TCF12: variants seen among roughly 807,000 people sequenced by gnomAD.
TCF12 encodes the protein transcription factor 12.
In TCF12, 45 loss-of-function variants were observed where a neutral mutation model predicts 86.0. The observed-to-expected ratio is 0.52, with a 90% confidence interval of 0.41 to 0.67. TCF12 has a LOEUF of 0.67. TCF12 is among the 30% of genes least tolerant of loss of function. The probability of loss-of-function intolerance (pLI) is 0.00; values close to 1 mark genes in which losing one functional copy is unlikely to be tolerated. For synonymous variants in TCF12, 330 were observed against 299.6 expected, an observed-to-expected ratio of 1.10 and a Z score of -1.05; for missense variants, 881 against 859.9, an observed-to-expected ratio of 1.02 and a Z score of -0.31.
intron 3 of TCF12, among the ~76,000 whole-genome samples, chr15:56,997,923 ACAAAGCAAACTT>A (rs2063799021): frequency 6.6e-6 from 1 of 152,232 alleles, no homozygotes; most frequent in African/African-American, 2.4e-5. Flanking sequence ...TATATTAATA[ACAAAGCAAACTT>A]CAGAGCTAAG....
chr15:57,223,543 T>G (rs1053084044), intron 8 of TCF12, among the ~76,000 whole-genome samples: 97 of 151,758 alleles, frequency 6.4e-4, no homozygotes, highest in African/African-American at 2.3e-3. Context: ...AATTTAAAAT[T>G]AAAACTTTCA....
chr15:57,238,166 T>C (rs527491659), intron 12 of TCF12, among the ~76,000 whole-genome samples: 5 of 152,198 alleles, frequency 3.3e-5, no homozygotes, highest in African/African-American at 1.2e-4. Context: ...ATTTTTATAC[T>C]TGATATGTTT....
intron 5 of TCF12, among the ~76,000 whole-genome samples, chr15:57,104,375 A>G (rs148519431): frequency 0.022 from 3,334 of 151,952 alleles, 56 homozygotes; most frequent in Non-Finnish European, 0.032. Flanking sequence ...CAATATACTA[A>G]GCACGTTGAT....
At chr15:57,237,148 A>AGAGTGTGTGTGT in intron 12 of TCF12, among the ~76,000 whole-genome samples, 1 of 146,132 alleles carries the variant, frequency 6.8e-6, no homozygotes, top group South Asian at 2.2e-4. Flanking sequence ...AGAGAGAGAG[A>AGAGTGTGTGTGT]GTGTGTGTGT....
At chr15:57,130,699 G>C (rs556142288) in intron 5 of TCF12, among the ~76,000 whole-genome samples, 2 of 152,042 alleles carry the variant, frequency 1.3e-5, no homozygotes, top group Admixed American at 6.6e-5. Context: ...TTCTGGTTTT[G>C]GTGTTTTCAA....
chr15:57,231,161 C>A lies in TCF12; in HGVS notation c.589C>A (p.Pro197Thr). ...GCTGTTTAATTTTAAGGTATATGCA[C>A]CATCCCCAAATTCAGATGATTTCAA... ...PPGLPSSVYA[P>T]SPNSDDFNRE... The change falls in exon 9 of 21, where the codon CCA (proline) becomes ACA (threonine). Residue 197 changes from proline to threonine, a missense_variant. By Grantham distance (38) the Pro-to-Thr change is conservative. Transcript: ENST00000333725. 6.2e-7 allele frequency: 1 copy of A among 1,611,614 alleles called. No individual in the cohort carries two copies. Among genetic ancestry groups the A allele is most frequent in the Non-Finnish European group, 8.5e-7 (1 of 1,178,118 alleles).
In TCF12 at chr15:57,140,564, C is replaced by T. The variant is rs141677635; in HGVS notation, c.326-25838C>T. Among the ~76,000 whole-genome samples, 586 of 152,224 alleles carry T rather than the reference C, an allele frequency of 3.8e-3. 4 individuals carry two copies. The highest frequency in any genetic ancestry group is 0.014 in the African/African-American group (569 of 41,528). ...GTTCCTGCATTCATAGATCTAAGGC[C>T]TAATAGTAAAGCCTTCCATCACTTA... On this transcript the variant is annotated intron_variant, in intron 5 of 20. Coordinates refer to ENST00000333725, the MANE Select transcript of TCF12 (RefSeq NM_207037.2).
At chr15:57,044,526 A>G (rs1447521797) in intron 3 of TCF12, among the ~76,000 whole-genome samples, 1 of 151,790 alleles carries the variant, frequency 6.6e-6, no homozygotes. Flanking sequence ...TGTTGAATGA[A>G]TCATCATGCT....
chr15:56,922,198 A>T (rs1343874848), intron 3 of TCF12, among the ~76,000 whole-genome samples: 1 of 151,932 alleles, frequency 6.6e-6, no homozygotes, highest in Non-Finnish European at 1.5e-5. Flanking sequence ...ACTGGTGTTG[A>T]TACATCTCAT....
intron 3 of TCF12, among the ~76,000 whole-genome samples, chr15:57,034,175 G>T (rs527717352): frequency 2.3e-4 from 35 of 152,106 alleles, no homozygotes; most frequent in Non-Finnish European, 5.0e-4. Flanking sequence ...GATGTATATA[G>T]GACTGATCAC....
chr15:57,060,213 A>G (rs1406669076), intron 3 of TCF12, among the ~76,000 whole-genome samples: 1 of 151,042 alleles, frequency 6.6e-6, no homozygotes, highest in African/African-American at 2.5e-5. Flanking sequence ...AAATGTTTTC[A>G]CAAAAGAAAG....
At chr15:57,010,492 A>G (rs778619228) in intron 3 of TCF12, among the ~76,000 whole-genome samples, 1 of 152,228 alleles carries the variant, frequency 6.6e-6, no homozygotes, top group African/African-American at 2.4e-5. Flanking sequence ...AAGAGTAGAA[A>G]AAAGGGAAAA....
chr15:57,091,835 G>T lies in TCF12; in HGVS notation c.269G>T (p.Arg90Leu), dbSNP rs905170132. The T allele has an allele frequency of 1.2e-6, 2 of 1,613,836 alleles. No homozygotes were observed. Among genetic ancestry groups the T allele is most frequent in the East Asian group, 2.2e-5 (1 of 44,860 alleles). Residue 90 changes from arginine to leucine, a missense_variant, in exon 5 of 21, where the codon CGA becomes CTA. Physicochemically the swap from Arg to Leu is moderately radical, Grantham distance 102. Coordinates refer to ENST00000333725, the MANE Select transcript of TCF12 (RefSeq NM_207037.2). ...TACAGTGATCACTTGAATGACAGTC[G>T]ATTAGGAGCCCATGAAGGCTTGTCC... ...PHYSDHLNDS[R>L]LGAHEGLSPT...
intron 8 of TCF12, among the ~76,000 whole-genome samples, chr15:57,199,651 T>A (rs1326706649): frequency 6.6e-6 from 1 of 152,190 alleles, no homozygotes; most frequent in Non-Finnish European, 1.5e-5. Context: ...AGGTAGTAGT[T>A]CTCTGTATTG....
chr15:57,278,664 ACAAAAG>A (rs1184003617), intron 19 of TCF12: 42 of 208,758 alleles, frequency 2.0e-4, no homozygotes, highest in Middle Eastern at 2.7e-3. Flanking sequence ...CTCATGAACT[ACAAAAG>A]GATCAAACCT....
intron 3 of TCF12, among the ~76,000 whole-genome samples, chr15:57,048,813 T>C (rs2141543923): frequency 6.6e-6 from 1 of 152,342 alleles, no homozygotes; most frequent in African/African-American, 2.4e-5. Flanking sequence ...GTGAAATAAG[T>C]GTATCTTAAA....
chr15:57,030,184 C>T (rs895169534), intron 3 of TCF12, among the ~76,000 whole-genome samples: 6 of 152,084 alleles, frequency 3.9e-5, no homozygotes, highest in East Asian at 3.8e-4. Context: ...TTAATTGAGT[C>T]GTGGTCTTGC....
chr15:57,158,938 ATTG>A (rs2054307012), intron 5 of TCF12, among the ~76,000 whole-genome samples: 1 of 152,230 alleles, frequency 6.6e-6, no homozygotes, highest in Admixed American at 6.5e-5. Context: ...GCTTAAACAA[ATTG>A]TTGTGAAGAA....
chr15:57,018,677 G>A (rs183149720), intron 3 of TCF12, among the ~76,000 whole-genome samples: 65 of 152,134 alleles, frequency 4.3e-4, no homozygotes, highest in Admixed American at 2.9e-3. Flanking sequence ...CTGAGCTCAA[G>A]CACTCCACCT....
Sources: allele counts gnomAD v4.1 joint callset (sites outside exome capture counted in the v4.1 genomes callset), GRCh38; gene constraint gnomAD v4.1.1; transcripts MANE v1.5; gene names NCBI Gene and HGNC (gene_info 2026-07-23, HGNC 2026-07-21).